Variants in ZNF407 observed in about 807,000 individuals in gnomAD.
The protein encoded by ZNF407 is zinc finger protein 407.
ZNF407 carries 17 observed loss-of-function variants against 131.2 expected under a neutral mutation model. The ratio of observed to expected loss-of-function variants is 0.13; its 90% CI spans 0.09 to 0.19. The LOEUF is 0.19. ZNF407 is among the 10% of genes least tolerant of loss of function. The probability of loss-of-function intolerance (pLI) is 1.00; values close to 1 mark genes in which losing one functional copy is unlikely to be tolerated. For missense variants in ZNF407, 2,681 were observed against 2,830.6 expected (o/e 0.95, Z 1.20); for synonymous variants, 1,156 against 1,062.0 (o/e 1.09, Z -1.72).
At chr18:74,783,035 C>T (rs907718117) in intron 4 of ZNF407, among the ~76,000 whole-genome samples, 1 of 152,062 alleles carries the variant, frequency 6.6e-6, no homozygotes, top group Non-Finnish European at 1.5e-5. Context: ...GAATAATTTG[C>T]GACATGTCAA....
intron 3 of ZNF407, among the ~76,000 whole-genome samples, chr18:74,704,769 A>C (rs1170456966): frequency 1.3e-5 from 2 of 152,172 alleles, no homozygotes; most frequent in Non-Finnish European, 2.9e-5. Flanking sequence ...GTGTTTCTGC[A>C]ATAAGTGTCT....
At chr18:74,962,684 C>G (rs573629168) in intron 8 of ZNF407, among the ~76,000 whole-genome samples, 143 of 152,370 alleles carry the variant, frequency 9.4e-4, no homozygotes, top group African/African-American at 2.8e-3. Flanking sequence ...GCACCCTCTT[C>G]CCTCTCCTGG....
intron 8 of ZNF407, among the ~76,000 whole-genome samples, chr18:74,930,498 C>G (rs1447200537): frequency 6.6e-6 from 1 of 152,154 alleles, no homozygotes; most frequent in African/African-American, 2.4e-5. Flanking sequence ...ATTAGTTTAT[C>G]CTGCCTGAAT....
chr18:74,659,960 C>T (rs531055717), intron 3 of ZNF407, among the ~76,000 whole-genome samples: 63 of 151,984 alleles, frequency 4.1e-4, no homozygotes, highest in East Asian at 1.7e-3. Context: ...GTCAGGACAC[C>T]GGGCAAAACA....
At chr18:74,668,544 C>T (rs1175120038) in intron 3 of ZNF407, among the ~76,000 whole-genome samples, 3 of 152,178 alleles carry the variant, frequency 2.0e-5, no homozygotes, top group South Asian at 4.1e-4. Flanking sequence ...CTCAGAATTT[C>T]CAAAATGGCT....
chr18:74,961,394 G>A (rs1174025925), intron 8 of ZNF407, among the ~76,000 whole-genome samples: 2 of 152,156 alleles, frequency 1.3e-5, no homozygotes, highest in East Asian at 3.9e-4. Flanking sequence ...CTGTTGTGCT[G>A]TAAGACAGAA....
chr18:74,671,242 T>G (rs972332422), intron 3 of ZNF407, among the ~76,000 whole-genome samples: 3 of 152,212 alleles, frequency 2.0e-5, no homozygotes, highest in African/African-American at 7.2e-5. Flanking sequence ...TAATGGGATC[T>G]CTTTAAGGTT....
At chr18:74,729,658 A>G (rs1440189971) in intron 3 of ZNF407, among the ~76,000 whole-genome samples, 1 of 152,224 alleles carries the variant, frequency 6.6e-6, no homozygotes, top group Non-Finnish European at 1.5e-5. Flanking sequence ...ATGTGTTAAT[A>G]AAATATCACT....
intron 3 of ZNF407, among the ~76,000 whole-genome samples, chr18:74,775,490 T>A (rs1969449609): frequency 6.6e-6 from 1 of 152,252 alleles, no homozygotes; most frequent in Non-Finnish European, 1.5e-5. Context: ...TATGTGGTAA[T>A]CTGAGTAGAC....
intron 1 of ZNF407, among the ~76,000 whole-genome samples, chr18:74,620,968 G>A (rs1024169272): frequency 1.3e-4 from 20 of 152,298 alleles, no homozygotes; most frequent in African/African-American, 4.6e-4. Flanking sequence ...CTCCGAGGCA[G>A]GCCCCTTGCT....
intron 4 of ZNF407, among the ~76,000 whole-genome samples, chr18:74,846,442 C>G (rs1162602031): frequency 1.3e-5 from 2 of 151,548 alleles, no homozygotes; most frequent in African/African-American, 2.4e-5. Context: ...CGGATTCAAG[C>G]AGTTCTCCTG....
At position 74,996,500 on chromosome 18, in the gene ZNF407, A is replaced by G. The variant is rs948440546; in HGVS notation, c.5429-66650A>G. ...AAATGAAGTCAGGAGGTGAACGGCA[A>G]TAAGTGTTTAATAGTCGCAGATGCA... On this transcript the variant is annotated intron_variant, in intron 8 of 8. Coordinates refer to ENST00000299687, the MANE Select transcript of ZNF407 (RefSeq NM_017757.3). Among the ~76,000 whole-genome samples, 7 of 152,372 alleles carry G rather than the reference A, an allele frequency of 4.6e-5. No homozygotes were observed. In the South Asian group the frequency reaches 1.0e-3, roughly 23 times the overall value.
chr18:74,929,240 G>C (rs535264387), intron 8 of ZNF407, among the ~76,000 whole-genome samples: 1 of 152,184 alleles, frequency 6.6e-6, no homozygotes, highest in South Asian at 2.1e-4. Flanking sequence ...TTCGAGCCGC[G>C]CCAGCGCTTC....
At chr18:74,866,907 T>G (rs1413903836) in intron 4 of ZNF407, among the ~76,000 whole-genome samples, 2 of 143,532 alleles carry the variant, frequency 1.4e-5, no homozygotes, top group Non-Finnish European at 3.0e-5. Context: ...TCCCAGCTAC[T>G]CCGGCTGAGG....
intron 8 of ZNF407, among the ~76,000 whole-genome samples, chr18:75,015,626 A>C (rs1973034976): frequency 6.7e-6 from 1 of 150,374 alleles, no homozygotes; most frequent in Non-Finnish European, 1.5e-5. Context: ...TCCTAGCTAG[A>C]TTGACAGCTG....
At chr18:75,030,992 T>A (rs976298297) in intron 8 of ZNF407, among the ~76,000 whole-genome samples, 1 of 152,226 alleles carries the variant, frequency 6.6e-6, no homozygotes, top group African/African-American at 2.4e-5. Flanking sequence ...AAGGTCAGTT[T>A]ATAACCCTCT....
intron 4 of ZNF407, among the ~76,000 whole-genome samples, chr18:74,829,906 G>A (rs1162853479): frequency 1.3e-5 from 2 of 151,836 alleles, no homozygotes; most frequent in East Asian, 3.9e-4. Flanking sequence ...ATCCTGCACT[G>A]AAGCCCTAAT....
At chr18:74,922,339 G>A (rs527818463) in intron 8 of ZNF407, among the ~76,000 whole-genome samples, 13 of 152,296 alleles carry the variant, frequency 8.5e-5, no homozygotes, top group East Asian at 5.8e-4. Flanking sequence ...TGTCCTCCTC[G>A]AGGTGGCCTT....
In ZNF407 at chr18:74,635,171, G is replaced by A. The variant is rs1275262599; in HGVS notation, c.4152G>A (p.Val1384=). 6.2e-7 allele frequency: 1 copy of A among 1,613,920 alleles called. No individual in the cohort carries two copies. The highest frequency in any genetic ancestry group is 1.6e-4 in the Middle Eastern group (1 of 6,084). ...QSEEGLIATG[V]RISELPLKDC... ...AAGAGGGCTTGATAGCAACGGGAGT[G>A]AGAATTAGTGAGCTGCCCTTGAAAG... Residue 1384 remains valine, a synonymous_variant, in exon 2 of 9, where the codon GTG becomes GTA. Transcript: ENST00000299687. This position sits in a 1 kb window ranked among gnomAD's most constrained non-coding sequence, Gnocchi z 4.7.
Sources: allele counts gnomAD v4.1 joint callset (sites outside exome capture counted in the v4.1 genomes callset), GRCh38; gene constraint gnomAD v4.1.1; non-coding constraint Gnocchi (gnomAD v3.1); transcripts MANE v1.5; gene names NCBI Gene and HGNC (gene_info 2026-07-23, HGNC 2026-07-21).